Variants in KIF24 observed in about 807,000 individuals in gnomAD.
The protein encoded by KIF24 is kinesin-like protein KIF24.
A neutral mutation model predicts 118.9 loss-of-function variants in KIF24; 81 were observed. The observed-to-expected ratio is 0.68, with a 90% CI of 0.57 to 0.82. The LOEUF is 0.82. Ranked by LOEUF, KIF24 falls within the 40% of genes least tolerant of loss-of-function variation. The pLI is 0.00. For synonymous variants in KIF24, 599 were observed against 610.0 expected (o/e 0.98, Z 0.27); for missense variants, 1,560 against 1,661.6 (o/e 0.94, Z 1.06).
intron 3 of KIF24, among the ~76,000 whole-genome samples, chr9:34,300,446 G>A (rs926986548): frequency 3.3e-5 from 5 of 151,074 alleles, no homozygotes; most frequent in African/African-American, 1.2e-4. Flanking sequence ...TTGGCTCACT[G>A]CAACCTCCCA....
chr9:34,270,432 C>T (rs1835459783), intron 7 of KIF24, among the ~76,000 whole-genome samples: 1 of 150,114 alleles, frequency 6.7e-6, no homozygotes, highest in Non-Finnish European at 1.5e-5. Context: ...AGGAAAATGG[C>T]GTGAACCCGG....
At chr9:34,274,803 C>T (rs1369991672) in intron 6 of KIF24, among the ~76,000 whole-genome samples, 3 of 86,264 alleles carry the variant, frequency 3.5e-5, no homozygotes, top group Non-Finnish European at 4.9e-5. Flanking sequence ...AATGGAGTAC[C>T]GTTCAGCCAT....
rs1402952201 is a variant in KIF24, at chr9:34,253,274, TTCGGGCCAAGGCC to T, written c.*1093_*1105del. On this transcript the variant is annotated 3_prime_UTR_variant, in exon 13 of 13. Coordinates refer to ENST00000402558, the MANE Select transcript of KIF24 (RefSeq NM_194313.4). ...ATAAAGGCTCACATAGTAATGGGCG[TTCGGGCCAAGGCC>T]GTGACTCATGAATCTCCATTTGACC... The T allele has an allele frequency of 6.6e-6, 1 of 152,268 alleles. No homozygotes were observed. The highest frequency in any genetic ancestry group is 1.5e-5 in the Non-Finnish European group (1 of 68,052). The allele number at this position is 152,268 out of a possible 1,614,324, so 9.4% of individuals were successfully genotyped here.
chr9:34,302,850 A>ACTGCAAGCTCCGCCTCCCG (rs1836775802), intron 3 of KIF24, among the ~76,000 whole-genome samples: 1 of 144,198 alleles, frequency 6.9e-6, no homozygotes, highest in Non-Finnish European at 1.5e-5. Context: ...ATCTCGGCTC[A>ACTGCAAGCTCCGCCTCCCG]CTGCAAGCTC....
chr9:34,303,655 G>A (rs1197339226), intron 3 of KIF24, among the ~76,000 whole-genome samples: 1 of 151,950 alleles, frequency 6.6e-6, no homozygotes, highest in Non-Finnish European at 1.5e-5. Flanking sequence ...TTCGAGACCA[G>A]CTGGGCAACA....
At position 34,269,308 on chromosome 9, in the gene KIF24, T is replaced by C; in HGVS notation, c.1392A>G (p.Ser464=). 1 of 1,612,188 alleles carries C rather than the reference T, an allele frequency of 6.2e-7. No individual in the cohort carries two copies. Among genetic ancestry groups the C allele is most frequent in the African/African-American group, 1.3e-5 (1 of 74,970 alleles). Residue 464 remains serine (S), a synonymous_variant, in exon 8 of 13, where the codon TCA becomes TCG. Coordinates refer to ENST00000402558, the MANE Select transcript of KIF24 (RefSeq NM_194313.4). ...CACCTTCCATCTTTGTCTGTCTATC[T>C]GAGTCCCTTGCATCTGCTGCTCTTT... is the stretch of plus-strand genomic sequence containing the variant. ...GSERAADARD[S]DRQTKMEGAE... is the part of the protein sequence containing the mutation.
chr9:34,256,653 A>C lies in KIF24; in HGVS notation c.2954T>G (p.Phe985Cys). 2 of 1,613,944 alleles carry C rather than the reference A, an allele frequency of 1.2e-6. No individual in the cohort carries two copies. The highest frequency in any genetic ancestry group is 1.7e-6 in the Non-Finnish European group (2 of 1,179,864). ...GNLPSPEEDG[F>C]TISLSHVAVP... ...TGCAACGTGGGACAATGAGATAGTG[A>C]AACCATCTTCCTCTGGGGATGGCAA... Residue 985 changes from phenylalanine to cysteine, a missense_variant, in exon 11 of 13, where the codon TTC becomes TGC. By Grantham distance (205) the Phe-to-Cys change is radical. Around this residue, in one of 3 missense-constraint regions of KIF24, gnomAD observed 591 missense variants for 655.6 expected, o/e 0.90. Coordinates refer to ENST00000402558, the MANE Select transcript of KIF24 (RefSeq NM_194313.4).
At chr9:34,315,294 C>T (rs1003846536) in intron 1 of KIF24, among the ~76,000 whole-genome samples, 9 of 152,028 alleles carry the variant, frequency 5.9e-5, no homozygotes, top group Admixed American at 2.6e-4. Context: ...TGACCTGATA[C>T]AATTGTTTCT....
chr9:34,255,071 C>T lies in KIF24; in HGVS notation c.3966+1G>A. 2 of 1,575,910 alleles carry T rather than the reference C, an allele frequency of 1.3e-6. No individual in the cohort carries two copies. The highest frequency in any genetic ancestry group is 8.6e-7 in the Non-Finnish European group (1 of 1,157,780). On this transcript the variant is annotated splice_donor_variant, in intron 12 of 12. Transcript: ENST00000402558. LOFTEE classifies it high-confidence loss of function. ...GTGAGTGTCCAGCCAGGGCTACTTACATTAGAAGCCAGCTGGCTCATCAGC... is the reference window on the plus strand; with the variant it reads ...GTGAGTGTCCAGCCAGGGCTACTTATATTAGAAGCCAGCTGGCTCATCAGC...
chr9:34,325,599 T>G (rs1328621980), intron 1 of KIF24, among the ~76,000 whole-genome samples: 2 of 146,788 alleles, frequency 1.4e-5, no homozygotes, highest in Admixed American at 6.8e-5. Flanking sequence ...GAGGCTGACA[T>G]GAGAATCGCT....
chr9:34,305,265 A>C (rs1202396783), intron 3 of KIF24, among the ~76,000 whole-genome samples: 1 of 152,176 alleles, frequency 6.6e-6, no homozygotes, highest in Non-Finnish European at 1.5e-5. Context: ...TTAGTGTTTT[A>C]TTTAAACCCT....
In KIF24 at chr9:34,329,217, G is replaced by A. The variant is rs1563969922; in HGVS notation, c.-137C>T. 6.6e-6 allele frequency among the ~76,000 whole-genome samples: 1 copy of A among 152,358 alleles called. No homozygotes were observed. The highest frequency in any genetic ancestry group is 1.9e-4 in the East Asian group (1 of 5,186). Reference sequence around the variant, plus strand: ...AGTCCCGTCAACCCGGGAGCCACCGGCGGCGGCCAGGCCGCATCTCCATGG... The same window carrying A: ...AGTCCCGTCAACCCGGGAGCCACCGACGGCGGCCAGGCCGCATCTCCATGG... On this transcript the variant is annotated 5_prime_UTR_variant, in exon 1 of 13. Coordinates refer to ENST00000402558, the MANE Select transcript of KIF24 (RefSeq NM_194313.4).
chr9:34,290,159 A>T lies in KIF24; in HGVS notation c.1127+15T>A. ...GCGATGAACAGATTTATCGCTTCCC[A>T]CTCATATTCAGTACCTTTTTCTTCT... On this transcript the variant is annotated intron_variant, in intron 5 of 12. Coordinates refer to ENST00000402558, the MANE Select transcript of KIF24 (RefSeq NM_194313.4). 32 of 1,492,378 alleles carry T rather than the reference A, an allele frequency of 2.1e-5. No individual in the cohort carries two copies. Among genetic ancestry groups the T allele is most frequent in the Non-Finnish European group, 2.6e-5 (28 of 1,071,146 alleles). The allele number at this position is 1,492,378 out of a possible 1,614,324, so 92.4% of individuals were successfully genotyped here.
chr9:34,287,278 AAGCTTTCCAGTTATTT>A (rs1347708048), intron 5 of KIF24, among the ~76,000 whole-genome samples: 4 of 152,222 alleles, frequency 2.6e-5, no homozygotes, highest in Non-Finnish European at 5.9e-5. Context: ...ACTGTCCTCT[AAGCTTTCCAGTTATTT>A]GAGCCAATGA....
rs56387532 is a variant in KIF24 at position 34,280,283 on chromosome 9, C to CAAAAA, written c.1215+6329_1215+6333dup. Among the ~76,000 whole-genome samples the CAAAAA allele has an allele frequency of 3.9e-3, 252 of 64,448 alleles. 3 individuals carry two copies. The highest frequency in any genetic ancestry group is 4.8e-3 in the African/African-American group (59 of 12,228). The allele number at this position is 64,448 out of a possible 152,430, so 42.3% of individuals were successfully genotyped here. On this transcript the variant is annotated intron_variant, in intron 6 of 12. Transcript: ENST00000402558. ...TGGGCGACAGGGCGAGACTCCGTCT[C>CAAAAA]AAAAAAAAAAAAAAAAAAAAAAAAA...
At chr9:34,286,548 AG>A in intron 6 of KIF24, 68 bp downstream of exon 6, 3 of 1,126,900 alleles carry the variant, frequency 2.7e-6, no homozygotes, top group Non-Finnish European at 4.1e-6. Flanking sequence ...CTTGCTTAGT[AG>A]CAAAATGAAT....
Position 34,306,120 on chromosome 9 carries a change from G to C in KIF24, c.813+132C>G, listed in dbSNP as rs538286882. 25 of 663,284 alleles carry C rather than the reference G, an allele frequency of 3.8e-5. No homozygotes were observed. The African/African-American group carries it at 3.9e-4, about 10-fold the overall frequency. 41.1% of individuals were successfully genotyped at this position (663,284 alleles called of 1,614,324 possible). Reference sequence around the variant, plus strand: ...ATACAGTGTCACATCAGGAATGAATGTCAACACCCGAACCAGAAACTTGAT... The same window carrying C: ...ATACAGTGTCACATCAGGAATGAATCTCAACACCCGAACCAGAAACTTGAT... On this transcript the variant is annotated intron_variant, in intron 3 of 12. Transcript: ENST00000402558.
intron 5 of KIF24, among the ~76,000 whole-genome samples, chr9:34,288,058 A>G (rs1444942877): frequency 6.6e-6 from 1 of 152,142 alleles, no homozygotes; most frequent in Non-Finnish European, 1.5e-5. Flanking sequence ...GCAAGGTATA[A>G]AAACAATTTA....
chr9:34,262,692 A>G (rs1486467751), intron 9 of KIF24, among the ~76,000 whole-genome samples: 7 of 46,222 alleles, frequency 1.5e-4, no homozygotes, highest in Non-Finnish European at 2.6e-4. Flanking sequence ...ATATATATAT[A>G]TATATATATA....
Sources: allele counts gnomAD v4.1 joint callset (sites outside exome capture counted in the v4.1 genomes callset), GRCh38; gene constraint gnomAD v4.1.1; regional missense constraint gnomAD v4.1.1; transcripts MANE v1.5; gene names NCBI Gene and HGNC (gene_info 2026-07-23, HGNC 2026-07-21).